Variants in ZFHX3 observed in about 807,000 individuals in gnomAD.
ZFHX3 encodes zinc finger homeobox protein 3.
A neutral mutation model predicts 279.1 loss-of-function variants in ZFHX3; 42 were observed. That is an observed-to-expected ratio of 0.15 (90% confidence interval 0.12 to 0.19). ZFHX3 has a LOEUF of 0.19. Among genes scored for constraint, ZFHX3 ranks in the 10% least tolerant of loss-of-function variants. The pLI is 1.00. For synonymous variants in ZFHX3, 2,293 were observed against 1,957.8 expected, an observed-to-expected ratio of 1.17 and a Z score of -4.52; for missense variants, 4,981 against 4,754.0, an observed-to-expected ratio of 1.05 and a Z score of -1.40.
At chr16:73,343,409 A>G (rs1047361809) in intron 3 of ZFHX3, among the ~76,000 whole-genome samples, 1 of 152,178 alleles carries the variant, frequency 6.6e-6, no homozygotes, top group Non-Finnish European at 1.5e-5. Flanking sequence ...ATCTTGCTCC[A>G]TAAAACAAGA....
intron 6 of ZFHX3, chr16:73,143,607 A>C (rs904795498): frequency 2.2e-6 from 1 of 455,130 alleles, no homozygotes; most frequent in Non-Finnish European, 4.1e-6. Context: ...GGCACACTGC[A>C]GAGGTGTCTA....
At chr16:73,331,683 T>G (rs1362650824) in intron 3 of ZFHX3, among the ~76,000 whole-genome samples, 1 of 152,218 alleles carries the variant, frequency 6.6e-6, no homozygotes, top group East Asian at 1.9e-4. Flanking sequence ...GTTGATATAG[T>G]ATACTAAAAT....
rs1249073893 is a variant in ZFHX3, at chr16:72,787,713, G to T, written c.10563C>A (p.Gly3521=). The T allele has an allele frequency of 6.5e-6, 9 of 1,385,062 alleles. No individual in the cohort carries two copies. The highest frequency in any genetic ancestry group is 8.5e-6 in the Non-Finnish European group (9 of 1,062,470). 85.8% of individuals were successfully genotyped at this position (1,385,062 alleles called of 1,614,324 possible). A position where few individuals can be genotyped will look rare whatever the true frequency, so the allele number is the denominator to read the frequency against. The change falls in exon 10 of 10, where the codon GGC becomes GGA. Residue 3521 remains glycine, a synonymous_variant. Coordinates refer to ENST00000268489, the MANE Select transcript of ZFHX3 (RefSeq NM_006885.4). ...GGSGGGGGGG[G]GGGGGGSYHC... ...GGTACGAGCCGCCGCCGCCGCCGCCGCCGCCACCGCCGCCGCCGCCGCCAC... is the reference window on the plus strand; with the variant it reads ...GGTACGAGCCGCCGCCGCCGCCGCCTCCGCCACCGCCGCCGCCGCCGCCAC...
At chr16:73,467,237 G>A (rs1040192739) in intron 2 of ZFHX3, among the ~76,000 whole-genome samples, 4 of 152,240 alleles carry the variant, frequency 2.6e-5, no homozygotes, top group Non-Finnish European at 5.9e-5. Flanking sequence ...GGAGCATCTT[G>A]AAGAGGAGAG....
intron 5 of ZFHX3, among the ~76,000 whole-genome samples, chr16:73,188,798 A>C (rs1967969101): frequency 1.3e-5 from 2 of 152,190 alleles, no homozygotes; most frequent in South Asian, 4.2e-4. Flanking sequence ...AAATCCTGAA[A>C]CACTTAGGTT....
At chr16:73,492,436 C>G (rs185521096) in intron 2 of ZFHX3, among the ~76,000 whole-genome samples, 2 of 152,176 alleles carry the variant, frequency 1.3e-5, no homozygotes, top group African/African-American at 4.8e-5. Flanking sequence ...TAGGAAGTAT[C>G]CCTAACACCA....
chr16:73,125,222 G>A (rs1224854803), intron 7 of ZFHX3: 1 of 109,568 alleles, frequency 9.1e-6, no homozygotes, highest in African/African-American at 3.9e-5. Context: ...TTTTTTGCTA[G>A]GGTGACCTGC....
chr16:73,298,013 T>C lies in ZFHX3; in HGVS notation c.-1194+20227A>G, dbSNP rs557825668. ...CAGCCTGGGCAACATAACCAGACCC[T>C]GTCTCTAAAAAAAATAAATAAATAA... is the stretch of plus-strand genomic sequence containing the variant. On this transcript the variant is annotated intron_variant, in intron 4 of 17. Transcript: ENST00000641206. 3.5e-5 allele frequency among the ~76,000 whole-genome samples: 5 copies of C among 141,376 alleles called. No individual in the cohort carries two copies. The East Asian group carries it at 8.9e-4, about 25-fold the overall frequency. The allele number at this position is 141,376 out of a possible 152,430, so 92.7% of individuals were successfully genotyped here. A position where few individuals can be genotyped will look rare whatever the true frequency, so the allele number is the denominator to read the frequency against.
chr16:73,251,169 T>A (rs560007015), intron 5 of ZFHX3, among the ~76,000 whole-genome samples: 24 of 152,336 alleles, frequency 1.6e-4, no homozygotes, highest in African/African-American at 5.1e-4. Flanking sequence ...GGTTTCAGAA[T>A]CCTCTGAGAC....
At chr16:73,812,236 C>A (rs1960447994) in intron 1 of ZFHX3, among the ~76,000 whole-genome samples, 1 of 152,170 alleles carries the variant, frequency 6.6e-6, no homozygotes, top group African/African-American at 2.4e-5. Context: ...GGGCATCCAT[C>A]CAGCTTCAAA....
intron 1 of ZFHX3, among the ~76,000 whole-genome samples, chr16:73,774,637 T>C (rs185477471): frequency 6.2e-4 from 94 of 152,308 alleles, no homozygotes; most frequent in African/African-American, 2.1e-3. Flanking sequence ...TTATGCACCA[T>C]TACCTTCTAC....
At chr16:73,421,080 T>G (rs1193785262) in intron 3 of ZFHX3, 3 of 152,222 alleles carry the variant, frequency 2.0e-5, no homozygotes, top group African/African-American at 4.8e-5. Flanking sequence ...CATTTACATC[T>G]TTTTGGTAAC....
At chr16:73,734,466 C>T (rs537170593) in intron 1 of ZFHX3, among the ~76,000 whole-genome samples, 1 of 152,066 alleles carries the variant, frequency 6.6e-6, no homozygotes, top group East Asian at 1.9e-4. Flanking sequence ...TTTTGTATCA[C>T]AAAGAGTTTC....
chr16:73,719,271 C>A (rs2053449785), intron 1 of ZFHX3, among the ~76,000 whole-genome samples: 1 of 152,144 alleles, frequency 6.6e-6, no homozygotes, highest in Non-Finnish European at 1.5e-5. Flanking sequence ...GCAAAGTTTG[C>A]AAAAGTAACA....
intron 3 of ZFHX3, among the ~76,000 whole-genome samples, chr16:73,349,612 T>TCCTCCCTC (rs1194178698): frequency 8.9e-6 from 1 of 112,896 alleles, no homozygotes; most frequent in South Asian, 2.9e-4. Flanking sequence ...CTCCCTTACT[T>TCCTCCCTC]CCTCCCTCCC....
intron 4 of ZFHX3, among the ~76,000 whole-genome samples, chr16:72,858,776 C>T (rs976530039): frequency 1.3e-5 from 2 of 152,226 alleles, no homozygotes; most frequent in Admixed American, 6.5e-5. Flanking sequence ...GCCCCATTTA[C>T]GCACGAGCTG....
rs1048376410 is a variant in ZFHX3, at chr16:72,950,929, C to A, written c.2756G>T (p.Gly919Val). Reference sequence around the variant, plus strand: ...CAGCTCCTCTGACACCAGCTGCCCGCCCCCGAGCCGCATGTCTAGGGGGAT... The same window carrying A: ...CAGCTCCTCTGACACCAGCTGCCCGACCCCGAGCCGCATGTCTAGGGGGAT... ...GEIPLDMRLGGGQLVSEELMN... is the reference protein window; with the variant it reads ...GEIPLDMRLGVGQLVSEELMN... The change falls in exon 3 of 10, where the codon GGC becomes GTC. Residue 919 changes from glycine to valine, a missense_variant. Transcript: ENST00000268489. 6.2e-7 allele frequency: 1 copy of A among 1,613,808 alleles called. No individual in the cohort carries two copies. Among genetic ancestry groups the A allele is most frequent in the Non-Finnish European group, 8.5e-7 (1 of 1,180,000 alleles).
In ZFHX3 at chr16:73,048,020, C is replaced by G. The variant is rs1299330927; in HGVS notation, c.-318G>C. 2 of 152,166 alleles carry G rather than the reference C, an allele frequency of 1.3e-5. No homozygotes were observed. The highest frequency in any genetic ancestry group is 2.9e-5 in the Non-Finnish European group (2 of 68,062). 9.4% of individuals were successfully genotyped at this position (152,166 alleles called of 1,614,324 possible). On this transcript the variant is annotated 5_prime_UTR_variant, in exon 1 of 10. Transcript: ENST00000268489. Reference sequence around the variant, plus strand: ...TCCCCGGAGGGAGGTCCCCGGGACGCGGCGGGGATTCACCCACGGGGCGCG... The same window carrying G: ...TCCCCGGAGGGAGGTCCCCGGGACGGGGCGGGGATTCACCCACGGGGCGCG...
chr16:73,595,824 G>A (rs1265477974), intron 2 of ZFHX3, among the ~76,000 whole-genome samples: 1 of 152,004 alleles, frequency 6.6e-6, no homozygotes, highest in Admixed American at 6.6e-5. Context: ...CTATGCCTGA[G>A]GGCCATCTAT....
Sources: allele counts gnomAD v4.1 joint callset (sites outside exome capture counted in the v4.1 genomes callset), GRCh38; gene constraint gnomAD v4.1.1; transcripts MANE v1.5; gene names NCBI Gene and HGNC (gene_info 2026-07-23, HGNC 2026-07-21).